N4BP2L2: variants seen among roughly 807,000 people sequenced by gnomAD.
The protein encoded by N4BP2L2 is NEDD4 binding protein 2 like 2.
Under a neutral mutation model 56.2 loss-of-function variants are expected in N4BP2L2, and 50 were observed. That is an observed-to-expected ratio of 0.89 (90% CI 0.71 to 1.13). The LOEUF is 1.13. Ranked by LOEUF, N4BP2L2 falls within the 50% of genes most tolerant of loss-of-function variation. The pLI is 0.00. For synonymous variants in N4BP2L2, 203 were observed against 223.6 expected (o/e 0.91, Z 0.82); for missense variants, 689 against 693.8 (o/e 0.99, Z 0.08).
chr13:32,498,829 C>G (rs1047087997), intron 6 of N4BP2L2, among the ~76,000 whole-genome samples: 60 of 149,828 alleles, frequency 4.0e-4, no homozygotes, highest in African/African-American at 1.3e-3. Flanking sequence ...ATGGTGAAAC[C>G]CCAACTCTAC....
chr13:32,511,297 C>T (rs1382082848), exon 6 of N4BP2L2: 1 of 152,144 alleles, frequency 6.6e-6, no homozygotes, highest in African/African-American at 2.4e-5. Context: ...TATAAGGAAC[C>T]ACTTGTAAAA....
At chr13:32,518,000 C>T in exon 6 of N4BP2L2, 1 of 1,611,886 alleles carries the variant, frequency 6.2e-7, no homozygotes, top group Non-Finnish European at 8.5e-7. Context: ...CATGTTTATT[C>T]CTCCTAACAA....
At chr13:32,489,432 C>G (rs1431201524) in intron 6 of N4BP2L2, among the ~76,000 whole-genome samples, 2 of 152,058 alleles carry the variant, frequency 1.3e-5, no homozygotes, top group Non-Finnish European at 2.9e-5. Context: ...TATCCTTAGC[C>G]AAATTGTTAA....
intron 6 of N4BP2L2, among the ~76,000 whole-genome samples, chr13:32,498,301 C>T (rs1456970062): frequency 6.6e-6 from 1 of 152,070 alleles, no homozygotes; most frequent in African/African-American, 2.4e-5. Context: ...TTGAATTTAA[C>T]AAAACATTTG....
At chr13:32,462,861 T>TAAAAAAAAAAAAAA (rs569068082) in intron 6 of N4BP2L2, among the ~76,000 whole-genome samples, 1 of 51,092 alleles carries the variant, frequency 2.0e-5, no homozygotes, top group African/African-American at 6.1e-5. Context: ...CTGTCTTTAC[T>TAAAAAAAAAAAAAA]AAAAAAAAAA....
chr13:32,493,114 G>A (rs778503618), intron 6 of N4BP2L2, among the ~76,000 whole-genome samples: 3 of 151,460 alleles, frequency 2.0e-5, no homozygotes, highest in Admixed American at 6.6e-5. Context: ...TAGTAGAGAC[G>A]GCGTTTCACC....
Position 32,443,807 on chromosome 13 carries a change from C to G in N4BP2L2, c.685G>C (p.Glu229Gln), listed in dbSNP as rs1447948596. 7 of 1,583,598 alleles carry G rather than the reference C, an allele frequency of 4.4e-6. No individual in the cohort carries two copies. The East Asian group carries it at 1.6e-4, about 36-fold the overall frequency. Reference sequence around the variant, plus strand: ...TAATTCTTTGGTGTGTTGTCTAATTCAACTATAGACATAACGTTTTGGAAA... The same window carrying G: ...TAATTCTTTGGTGTGTTGTCTAATTGAACTATAGACATAACGTTTTGGAAA... Residue 229 changes from glutamate to glutamine, a missense_variant, in exon 7 of 10, where the codon GAA becomes CAA. Coordinates refer to the N4BP2L2 transcript ENST00000357505.
chr13:32,513,520 T>C (rs2048569485), exon 6 of N4BP2L2: 1 of 152,158 alleles, frequency 6.6e-6, no homozygotes, highest in African/African-American at 2.4e-5. Context: ...CAAACATTCA[T>C]TAATCCCTTA....
intron 7 of N4BP2L2, among the ~76,000 whole-genome samples, chr13:32,441,995 GA>G (rs1357688468): frequency 5.3e-5 from 8 of 152,160 alleles, no homozygotes; most frequent in African/African-American, 1.9e-4. Context: ...AGAATGGCGT[GA>G]ACCCGGGAGG....
chr13:32,475,732 C>A (rs2083200409), intron 6 of N4BP2L2, among the ~76,000 whole-genome samples: 1 of 152,196 alleles, frequency 6.6e-6, no homozygotes, highest in Non-Finnish European at 1.5e-5. Flanking sequence ...TAATTTGGGG[C>A]TGCTTTTCAT....
intron 6 of N4BP2L2, among the ~76,000 whole-genome samples, chr13:32,497,631 A>G (rs188743714): frequency 4.7e-4 from 72 of 152,334 alleles, no homozygotes; most frequent in Admixed American, 4.1e-3. Context: ...GTGCCTCCCA[A>G]AGAGCAGAGT....
At chr13:32,487,068 C>T (rs978319353) in intron 6 of N4BP2L2, among the ~76,000 whole-genome samples, 3 of 151,942 alleles carry the variant, frequency 2.0e-5, no homozygotes, top group African/African-American at 4.8e-5. Context: ...GGCCCGCACC[C>T]GTAATCCCAG....
At chr13:32,469,009 G>C (rs1008331501) in intron 6 of N4BP2L2, among the ~76,000 whole-genome samples, 5 of 152,222 alleles carry the variant, frequency 3.3e-5, no homozygotes, top group Non-Finnish European at 7.3e-5. Flanking sequence ...TGCTGTGAGA[G>C]AGCTGCTGAT....
chr13:32,511,946 A>C (rs2048237350), exon 6 of N4BP2L2: 1 of 152,168 alleles, frequency 6.6e-6, no homozygotes, highest in African/African-American at 2.4e-5. Context: ...AAGAGTTCAG[A>C]ATTACTCTTC....
rs577637892 is a variant in N4BP2L2 at position 32,442,018 on chromosome 13, G to A, written c.2104+370C>T. ...GTGAACCCGGGAGGCGGAGCTTGCA[G>A]TGAGCCGAGATCACGCCACTGCGCT... is the stretch of plus-strand genomic sequence containing the variant. On this transcript the variant is annotated intron_variant, in intron 7 of 9. Coordinates refer to the N4BP2L2 transcript ENST00000357505. 4.2e-3 allele frequency among the ~76,000 whole-genome samples: 636 copies of A among 152,362 alleles called. 6 individuals are homozygous for A. Among genetic ancestry groups the A allele is most frequent in the African/African-American group, 0.014 (589 of 41,592 alleles).
Position 32,535,635 on chromosome 13 carries a change from C to T in N4BP2L2, c.1259+134G>A. On this transcript the variant is annotated intron_variant, in intron 2 of 5. Transcript: ENST00000267068. ...CCCAGGCTGGTCTCAAACTCCTGAG[C>T]TCAAGTGACTGGTCCACCCTGGCCT... 8 of 880,902 alleles carry T rather than the reference C, an allele frequency of 9.1e-6. No homozygotes were observed. In the South Asian group the frequency reaches 1.4e-4, roughly 16 times the overall value. 54.6% of individuals were successfully genotyped at this position (880,902 alleles called of 1,614,324 possible). A position where few individuals can be genotyped will look rare whatever the true frequency, so the allele number is the denominator to read the frequency against.
chr13:32,438,799 T>A, intron 7 of N4BP2L2: 1 of 1,186,972 alleles, frequency 8.4e-7, no homozygotes, highest in South Asian at 1.3e-5. Flanking sequence ...GCCCTAACTG[T>A]GAAGACATGC....
At chr13:32,535,614 G>A (rs906902514) in intron 2 of N4BP2L2, among the ~76,000 whole-genome samples, 155 bp downstream of exon 2, 2 of 151,898 alleles carry the variant, frequency 1.3e-5, no homozygotes, top group East Asian at 3.9e-4. Flanking sequence ...ATGTTGCCCA[G>A]GCTGGTCTCA....
Position 32,446,519 on chromosome 13 carries a change from G to A in N4BP2L2, c.366-2393C>T, listed in dbSNP as rs561832480. 8 of 1,300,808 alleles carry A rather than the reference G, an allele frequency of 6.2e-6. No individual in the cohort carries two copies. The South Asian group carries it at 8.7e-5, about 14-fold the overall frequency. 80.6% of individuals were successfully genotyped at this position (1,300,808 alleles called of 1,614,324 possible). On this transcript the variant is annotated intron_variant, in intron 6 of 9. Coordinates refer to the N4BP2L2 transcript ENST00000357505. The stretch of plus-strand genomic sequence containing the variant: ...AGGAGAAAAAGAACAAATAGAGTTT[G>A]TTGTTGCGTTATTCATTCGATTAAA...
Sources: gnomAD v4.1 joint callset for allele counts (sites outside exome capture counted in the v4.1 genomes callset) on GRCh38, gnomAD v4.1.1 for gene constraint, MANE v1.5 for transcripts, NCBI Gene and HGNC (gene_info 2026-07-23, HGNC 2026-07-21) for gene names.